The following EPS8L2 variants were observed in gnomAD, a reference collection of about 807,000 sequenced individuals.
The protein encoded by EPS8L2 is epidermal growth factor receptor kinase substrate 8-like protein 2.
In EPS8L2, 81 loss-of-function variants were observed where a neutral mutation model predicts 99.4. The ratio of observed to expected loss-of-function variants is 0.82; its 90% CI spans 0.68 to 0.98. The LOEUF is 0.98. Among genes scored for constraint, EPS8L2 ranks in the 50% least tolerant of loss-of-function variants. The probability of loss-of-function intolerance (pLI) is 0.00; values close to 1 mark genes in which losing one functional copy is unlikely to be tolerated. For missense variants in EPS8L2, 1,155 were observed against 968.8 expected, an observed-to-expected ratio of 1.19 and a Z score of -2.55; for synonymous variants, 509 against 407.3, an observed-to-expected ratio of 1.25 and a Z score of -3.01.
In EPS8L2 at chr11:721,193, A is replaced by G; in HGVS notation, c.687A>G (p.Pro229=). 6.5e-7 allele frequency: 1 copy of G among 1,532,894 alleles called. No individual in the cohort carries two copies. 95.0% of individuals were successfully genotyped at this position (1,532,894 alleles called of 1,614,324 possible). Residue 229 remains proline (P), a synonymous_variant, in exon 8 of 21, where the codon CCA becomes CCG. Coordinates refer to ENST00000318562, the MANE Select transcript of EPS8L2 (RefSeq NM_022772.4). ...EAKNRVGPQV[P]LSEPGFRRRE... is the part of the protein sequence containing the mutation. The stretch of plus-strand genomic sequence containing the variant: ...AGAATCGCGTGGGCCCGCAGGTGCC[A>G]CTCAGCGAGCCAGGTGGGCCGAGGG...
At position 724,081 on chromosome 11, in the gene EPS8L2, G is replaced by C. The variant is rs2133535986; in HGVS notation, c.1455-643G>C. Among the ~76,000 whole-genome samples, 1 of 152,242 alleles carries C rather than the reference G, an allele frequency of 6.6e-6. No individual in the cohort carries two copies. Among genetic ancestry groups the C allele is most frequent in the Admixed American group, 6.5e-5 (1 of 15,288 alleles). On this transcript the variant is annotated intron_variant, in intron 15 of 20. Transcript: ENST00000318562. The surrounding 1 kb of genome is among the most constrained non-coding windows in gnomAD (Gnocchi z 5.5). ...GGTCTGTCCACCCTGGCCATGTCCT[G>C]ACAGTCCATGGCCACTTCATTTCCC...
chr11:710,171 TC>T, intron 3 of EPS8L2: 1 of 498,958 alleles, frequency 2.0e-6, no homozygotes, highest in Non-Finnish European at 3.6e-6. Flanking sequence ...AGGCTGCTGG[TC>T]CCCACTCCAC....
intron 3 of EPS8L2, chr11:709,975 G>T: frequency 2.4e-6 from 1 of 415,358 alleles, no homozygotes; most frequent in South Asian, 2.7e-5. Flanking sequence ...CCCCAGAGAC[G>T]ACCCTGCCCT....
In EPS8L2 at chr11:721,285, G is replaced by A; in HGVS notation, c.701G>A (p.Gly234Asp). The A allele has an allele frequency of 6.5e-7, 1 of 1,540,746 alleles. No homozygotes were observed. The highest frequency in any genetic ancestry group is 8.7e-7 in the Non-Finnish European group (1 of 1,146,606). Residue 234 changes from glycine (G) to aspartate (D), a missense_variant and splice_region_variant, in exon 9 of 21, where the codon GGT (glycine) becomes GAT (aspartate). Gly to Asp is a moderately conservative substitution (Grantham distance 94). Coordinates refer to ENST00000318562, the MANE Select transcript of EPS8L2 (RefSeq NM_022772.4). ...GAGCAGCCGCCGTGTCCCCCATCAG[G>A]TTTCCGCCGTCGGGAGTCGCAGGAG... is the stretch of plus-strand genomic sequence containing the variant. ...VGPQVPLSEP[G>D]FRRRESQEEP... is the part of the protein sequence containing the mutation.
At position 723,351 on chromosome 11, in the gene EPS8L2, C is replaced by G. The variant is rs200341896; in HGVS notation, c.1452C>G (p.His484Gln). Residue 484 changes from histidine to glutamine, a missense_variant and splice_region_variant, in exon 15 of 21, where the codon CAC becomes CAG. By Grantham distance (24) the His-to-Gln change is conservative (BLOSUM62 0). Coordinates refer to ENST00000318562, the MANE Select transcript of EPS8L2 (RefSeq NM_022772.4). ...CACCAGTCAGCTCCCCACATACTCA[C>G]AGGTAAGCCCCCCTCAAAGTGAGGG... The part of the protein sequence containing the change: ...ALPPVSSPHT[H>Q]RGYQPTPAMA... 19 of 1,422,338 alleles carry G rather than the reference C, an allele frequency of 1.3e-5. No individual in the cohort carries two copies. Among genetic ancestry groups the G allele is most frequent in the Non-Finnish European group, 1.6e-5 (17 of 1,041,900 alleles). The allele number at this position is 1,422,338 out of a possible 1,614,324, so 88.1% of individuals were successfully genotyped here.
At chr11:716,677 C>G (rs1862036278) in intron 4 of EPS8L2, among the ~76,000 whole-genome samples, 1 of 152,228 alleles carries the variant, frequency 6.6e-6, no homozygotes, top group African/African-American at 2.4e-5. Context: ...AGAATGCTTT[C>G]TAGTTTTCTT....
chr11:712,722 TG>T (rs1861922311), intron 4 of EPS8L2, among the ~76,000 whole-genome samples: 1 of 152,206 alleles, frequency 6.6e-6, no homozygotes, highest in African/African-American at 2.4e-5. Flanking sequence ...GTCTGTACAA[TG>T]GGTCCAAAGA....
intron 1 of EPS8L2, among the ~76,000 whole-genome samples, chr11:707,052 C>G (rs1196692892): frequency 2.0e-5 from 3 of 152,072 alleles, no homozygotes; most frequent in Admixed American, 6.5e-5. Context: ...TGCCCCCACC[C>G]ACCCCGTGCT....
rs759696313 is a variant in EPS8L2 at position 726,427 on chromosome 11, A to G, written c.1877A>G (p.Tyr626Cys). The change falls in exon 19 of 21, where the codon TAC (tyrosine) becomes TGC (cysteine). Residue 626 changes from tyrosine to cysteine, a missense_variant. Tyr to Cys is a radical substitution (Grantham distance 194, BLOSUM62 -2). Transcript: ENST00000318562. The part of the protein sequence containing the change: ...RSQPVSQPLT[Y>C]ESGPDEVRAW... The stretch of plus-strand genomic sequence containing the variant: ...CAGCCCGTGAGCCAGCCGCTCACCT[A>G]CGAGTCGGGTCCGGACGAGGTCCGC... The G allele has an allele frequency of 1.2e-6, 2 of 1,600,720 alleles. No homozygotes were observed. The highest frequency in any genetic ancestry group is 1.7e-6 in the Non-Finnish European group (2 of 1,174,952).
Position 720,816 on chromosome 11 carries a change from GC to G in EPS8L2, c.478-11del. ...CGCCCCGCCCTCCTGGCCGCCTGAC[GC>G]CCGCTTTCCCAGGCAGAGCTGGTGC... On this transcript the variant is annotated splice_polypyrimidine_tract_variant and intron_variant, in intron 6 of 20. Coordinates refer to ENST00000318562, the MANE Select transcript of EPS8L2 (RefSeq NM_022772.4). 6.5e-7 allele frequency: 1 copy of G among 1,543,212 alleles called. No homozygotes were observed.
At chr11:718,731 C>G (rs1021004047) in intron 4 of EPS8L2, among the ~76,000 whole-genome samples, 18 of 150,742 alleles carry the variant, frequency 1.2e-4, no homozygotes, top group Non-Finnish European at 1.5e-5. Context: ...TGCAGTGGCA[C>G]GATCTTGATT....
At position 727,044 on chromosome 11, in the gene EPS8L2, T is replaced by A; in HGVS notation, c.*63T>A. Reference sequence around the variant, plus strand: ...CCCACCCACAATGCATGGAGTATTATTTTTATATGTGTATGTATTTTGTAT... The same window carrying A: ...CCCACCCACAATGCATGGAGTATTAATTTTATATGTGTATGTATTTTGTAT... On this transcript the variant is annotated 3_prime_UTR_variant, in exon 21 of 21. Coordinates refer to ENST00000318562, the MANE Select transcript of EPS8L2 (RefSeq NM_022772.4). The A allele has an allele frequency of 9.0e-7, 1 of 1,112,688 alleles. No homozygotes were observed. The allele number at this position is 1,112,688 out of a possible 1,614,324, so 68.9% of individuals were successfully genotyped here. A position where few individuals can be genotyped will look rare whatever the true frequency, so the allele number is the denominator to read the frequency against.
In EPS8L2 at chr11:721,599, G is replaced by A. The variant is rs1308329158; in HGVS notation, c.803G>A (p.Trp268Ter). The A allele has an allele frequency of 6.4e-7, 1 of 1,572,046 alleles. No homozygotes were observed. Among genetic ancestry groups the A allele is most frequent in the Non-Finnish European group, 8.6e-7 (1 of 1,163,304 alleles). The change falls in exon 10 of 21, where the codon TGG becomes TAG. Residue 268 changes from tryptophan (W) to a stop codon, truncating the protein, a stop_gained. Transcript: ENST00000318562. LOFTEE classifies it high-confidence loss of function. ...ILNCALDDIE[W>*]FVARLQKAAE... is the part of the protein sequence containing the mutation. Reference sequence around the variant, plus strand: ...AACTGCGCCCTGGACGACATCGAGTGGTTTGTGGCCCGGCTGCAGAAGGCA... The same window carrying A: ...AACTGCGCCCTGGACGACATCGAGTAGTTTGTGGCCCGGCTGCAGAAGGCA...
chr11:717,802 G>A (rs1862058656), intron 4 of EPS8L2, among the ~76,000 whole-genome samples: 1 of 149,280 alleles, frequency 6.7e-6, no homozygotes, highest in African/African-American at 2.5e-5. Context: ...AAGGTCAGGA[G>A]ATGGAGACCA....
Position 720,897 on chromosome 11 carries a change from C to A in EPS8L2, c.545C>A (p.Pro182Gln). ...TGCCGGCTGGGCAAGAAGATGCGGC[C>A]GCAGACCCTGAAGTAGGGCAGCGGG... ...ADCRLGKKMRPQTLKGHQEKI... is the reference protein window; with the variant it reads ...ADCRLGKKMRQQTLKGHQEKI... Residue 182 changes from proline to glutamine, a missense_variant, in exon 7 of 21, where the codon CCG (proline) becomes CAG (glutamine). Transcript: ENST00000318562. 7.1e-7 allele frequency: 1 copy of A among 1,409,720 alleles called. No homozygotes were observed. The allele number at this position is 1,409,720 out of a possible 1,614,324, so 87.3% of individuals were successfully genotyped here.
At chr11:717,604 C>A (rs182352770) in intron 4 of EPS8L2, among the ~76,000 whole-genome samples, 1 of 152,162 alleles carries the variant, frequency 6.6e-6, no homozygotes, top group Admixed American at 6.5e-5. Flanking sequence ...CCTGGCTGGG[C>A]GAGGTGGCTC....
rs1590046526 is a variant in EPS8L2 at position 710,449 on chromosome 11, A to G, written c.128A>G (p.Asn43Ser). 1 of 1,613,630 alleles carries G rather than the reference A, an allele frequency of 6.2e-7. No individual in the cohort carries two copies. Among genetic ancestry groups the G allele is most frequent in the South Asian group, 1.1e-5 (1 of 91,082 alleles). Residue 43 changes from asparagine to serine, a missense_variant, in exon 4 of 21, where the codon AAC (asparagine) becomes AGC (serine). By Grantham distance (46) the Asn-to-Ser change is conservative. Coordinates refer to ENST00000318562, the MANE Select transcript of EPS8L2 (RefSeq NM_022772.4). ...FEQRKKYSNS[N>S]VIMHETSQYH... ...CAGAGGAAGAAGTATTCCAACTCCAACGTCATCATGCACGAGACCTCGCAG... is the reference window on the plus strand; with the variant it reads ...CAGAGGAAGAAGTATTCCAACTCCAGCGTCATCATGCACGAGACCTCGCAG...
In EPS8L2 at chr11:724,857, AG is replaced by A; in HGVS notation, c.1560+33del. 6.6e-7 allele frequency: 1 copy of A among 1,507,164 alleles called. No individual in the cohort carries two copies. Among genetic ancestry groups the A allele is most frequent in the Non-Finnish European group, 9.2e-7 (1 of 1,084,964 alleles). The allele number at this position is 1,507,164 out of a possible 1,614,324, so 93.4% of individuals were successfully genotyped here. A position where few individuals can be genotyped will look rare whatever the true frequency, so the allele number is the denominator to read the frequency against. ...GAGGGGCTGGAGGACGGGGTCCAAGAGGGGGAAACAGGGCAGGGCTTCAAGG... is the reference window on the plus strand; with the variant it reads ...GAGGGGCTGGAGGACGGGGTCCAAGAGGGGAAACAGGGCAGGGCTTCAAGG... On this transcript the variant is annotated intron_variant, in intron 16 of 20. Coordinates refer to ENST00000318562, the MANE Select transcript of EPS8L2 (RefSeq NM_022772.4). This position sits in a 1 kb window ranked among gnomAD's most constrained non-coding sequence, Gnocchi z 5.5.
intron 16 of EPS8L2, among the ~76,000 whole-genome samples, chr11:725,395 C>T (rs1862286072): frequency 6.6e-6 from 1 of 152,216 alleles, no homozygotes; most frequent in Non-Finnish European, 1.5e-5. Flanking sequence ...CCTGTGGTCC[C>T]AGCTACTCTG....
Sources: allele counts gnomAD v4.1 joint callset (sites outside exome capture counted in the v4.1 genomes callset), GRCh38; gene constraint gnomAD v4.1.1; non-coding constraint Gnocchi (gnomAD v3.1); transcripts MANE v1.5; gene names NCBI Gene and HGNC (gene_info 2026-07-23, HGNC 2026-07-21).